The following LRRC4C variants were observed in gnomAD, a reference collection of about 807,000 sequenced individuals.
LRRC4C encodes the protein leucine-rich repeat-containing protein 4C.
Under a neutral mutation model 33.6 loss-of-function variants are expected in LRRC4C, and 5 were observed. That is an observed-to-expected ratio of 0.15 (90% CI 0.08 to 0.31). The LOEUF (loss-of-function observed/expected upper bound fraction) is 0.31, where lower values mean the gene tolerates loss of function less well. Ranked by LOEUF, LRRC4C falls within the 10% of genes least tolerant of loss-of-function variation. The pLI, the probability that LRRC4C is intolerant of heterozygous loss-of-function variation, is 1.00. For synonymous variants in LRRC4C, 329 were observed against 302.0 expected (o/e 1.09, Z -0.93); for missense variants, 560 against 796.7 (o/e 0.70, Z 3.58).
intron 3 of LRRC4C, among the ~76,000 whole-genome samples, chr11:40,334,076 T>C (rs1565283903): frequency 6.6e-6 from 1 of 152,068 alleles, no homozygotes; most frequent in Non-Finnish European, 1.5e-5. Context: ...AATTCTGGAG[T>C]CCTTGGTGCT....
intron 3 of LRRC4C, among the ~76,000 whole-genome samples, chr11:40,567,637 A>G (rs1210887548): frequency 6.6e-6 from 1 of 152,172 alleles, no homozygotes; most frequent in Admixed American, 6.5e-5. Context: ...ATGACTCTGT[A>G]ATGAAGTTTG....
chr11:40,861,259 AG>A (rs1258614548), intron 2 of LRRC4C, among the ~76,000 whole-genome samples: 9 of 152,166 alleles, frequency 5.9e-5, no homozygotes, highest in Non-Finnish European at 1.2e-4. Flanking sequence ...GATATGCAGA[AG>A]AAGATAGAGG....
intron 1 of LRRC4C, among the ~76,000 whole-genome samples, chr11:41,048,140 T>C (rs1857917621): frequency 6.6e-6 from 1 of 152,100 alleles, no homozygotes; most frequent in Admixed American, 6.6e-5. Context: ...ACAAATGTAC[T>C]CATGAAAAGG....
chr11:41,111,655 T>C (rs1176418979), intron 1 of LRRC4C, among the ~76,000 whole-genome samples: 1 of 152,034 alleles, frequency 6.6e-6, no homozygotes, highest in Non-Finnish European at 1.5e-5. Flanking sequence ...AAACATGAAA[T>C]TACAGACAGG....
intron 4 of LRRC4C, among the ~76,000 whole-genome samples, chr11:40,250,465 C>T (rs970319100): frequency 3.3e-5 from 5 of 151,974 alleles, no homozygotes; most frequent in African/African-American, 1.2e-4. Context: ...ATAAGCCTGG[C>T]ATGGTGGCTC....
At chr11:40,130,951 C>A (rs1161659964) in intron 6 of LRRC4C, among the ~76,000 whole-genome samples, 1 of 152,120 alleles carries the variant, frequency 6.6e-6, no homozygotes, top group Non-Finnish European at 1.5e-5. Flanking sequence ...TGTCATCAGC[C>A]TTATTGATCA....
At chr11:40,455,246 G>A (rs1389588697) in intron 3 of LRRC4C, among the ~76,000 whole-genome samples, 1 of 152,126 alleles carries the variant, frequency 6.6e-6, no homozygotes, top group Admixed American at 6.5e-5. Flanking sequence ...TAAACAGCAT[G>A]GCTACTGCCT....
intron 4 of LRRC4C, among the ~76,000 whole-genome samples, chr11:40,258,533 G>A (rs191049512): frequency 1.3e-3 from 201 of 152,164 alleles, no homozygotes; most frequent in African/African-American, 4.1e-3. Context: ...TCATTGGCAG[G>A]CTCTAGCAAA....
At chr11:40,492,198 G>A (rs1420313922) in intron 3 of LRRC4C, among the ~76,000 whole-genome samples, 2 of 152,048 alleles carry the variant, frequency 1.3e-5, no homozygotes, top group African/African-American at 4.8e-5. Context: ...AAAATTTGTT[G>A]GATTAAATTG....
intron 5 of LRRC4C, among the ~76,000 whole-genome samples, chr11:40,203,980 T>C (rs549346382): frequency 3.0e-4 from 46 of 152,304 alleles, no homozygotes; most frequent in African/African-American, 1.1e-3. Context: ...TGGACTGCAG[T>C]GGCACAATCA....
At chr11:40,818,055 G>T (rs987049110) in intron 2 of LRRC4C, among the ~76,000 whole-genome samples, 2 of 152,050 alleles carry the variant, frequency 1.3e-5, no homozygotes, top group African/African-American at 4.8e-5. Flanking sequence ...GTTTAAACAA[G>T]ATTTCTTAAG....
intron 1 of LRRC4C, among the ~76,000 whole-genome samples, chr11:41,259,059 T>G (rs182049754): frequency 7.2e-5 from 11 of 152,192 alleles, no homozygotes; most frequent in Admixed American, 6.6e-4. Context: ...GAGCAGACTA[T>G]ATCCTTTCTA....
chr11:41,380,150 G>C (rs1198825925), intron 1 of LRRC4C, among the ~76,000 whole-genome samples: 1 of 152,154 alleles, frequency 6.6e-6, no homozygotes, highest in East Asian at 1.9e-4. Context: ...TTTAAAAATA[G>C]AGTTTTATTT....
intron 4 of LRRC4C, among the ~76,000 whole-genome samples, chr11:40,250,691 A>T (rs1247701598): frequency 6.6e-6 from 1 of 152,098 alleles, no homozygotes; most frequent in Non-Finnish European, 1.5e-5. Flanking sequence ...GTGAGCCGAG[A>T]TTGCGCCACT....
intron 1 of LRRC4C, among the ~76,000 whole-genome samples, chr11:41,163,476 GT>G (rs1485760592): frequency 2.0e-5 from 3 of 150,968 alleles, no homozygotes; most frequent in Non-Finnish European, 4.4e-5. Flanking sequence ...TAGAGATAGG[GT>G]TTCCCCATGT....
At chr11:41,281,102 TCTCA>T (rs1221661492) in intron 1 of LRRC4C, among the ~76,000 whole-genome samples, 81 of 113,502 alleles carry the variant, frequency 7.1e-4, no homozygotes, top group African/African-American at 2.2e-3. Flanking sequence ...TCTCTCTCTC[TCTCA>T]CACACACACA....
intron 1 of LRRC4C, among the ~76,000 whole-genome samples, chr11:41,407,027 G>C (rs561145597): frequency 2.0e-5 from 3 of 152,230 alleles, no homozygotes; most frequent in South Asian, 4.1e-4. Flanking sequence ...TTAGATATCA[G>C]TGTTTTTCTA....
intron 1 of LRRC4C, among the ~76,000 whole-genome samples, chr11:41,282,775 A>C (rs1949713434): frequency 6.6e-6 from 1 of 152,214 alleles, no homozygotes; most frequent in African/African-American, 2.4e-5. Flanking sequence ...AGATGTGGGC[A>C]TCTGAATCCG....
rs1236700705 is a variant in LRRC4C at position 40,712,004 on chromosome 11, T to G, written c.-406-63726A>C. On this transcript the variant is annotated intron_variant, in intron 2 of 6. Coordinates refer to ENST00000528697, the MANE Select transcript of LRRC4C (RefSeq NM_001258419.2). ...CCTTAAACTAAAATGCAAACTTCCT[T>G]GCAGAGTAGTGTGGTAATTGTACAA... Among the ~76,000 whole-genome samples, 7 of 152,166 alleles carry G rather than the reference T, an allele frequency of 4.6e-5. No individual in the cohort carries two copies. The East Asian group carries it at 1.3e-3, about 29-fold the overall frequency.
Sources: allele counts gnomAD v4.1 joint callset (sites outside exome capture counted in the v4.1 genomes callset), GRCh38; gene constraint gnomAD v4.1.1; transcripts MANE v1.5; gene names NCBI Gene and HGNC (gene_info 2026-07-23, HGNC 2026-07-21).